Variants in COL4A3 observed in about 807,000 individuals in gnomAD.
The protein encoded by COL4A3 is collagen type IV alpha 3 chain, also known as collagen alpha-3(IV) chain.
In COL4A3, 135 loss-of-function variants were observed where a neutral mutation model predicts 217.4. That is an observed-to-expected ratio of 0.62 (90% confidence interval 0.54 to 0.72). The LOEUF (loss-of-function observed/expected upper bound fraction) is 0.72, where lower values mean the gene tolerates loss of function less well. Among genes scored for constraint, COL4A3 ranks in the 30% least tolerant of loss-of-function variants. The pLI, the probability that COL4A3 is intolerant of heterozygous loss-of-function variation, is 0.00. For synonymous variants in COL4A3, 690 were observed against 736.3 expected, an observed-to-expected ratio of 0.94 and a Z score of 1.02; for missense variants, 1,868 against 2,119.9, an observed-to-expected ratio of 0.88 and a Z score of 2.33.
intron 21 of COL4A3, 132 bp from the exon 22 acceptor site, chr2:227,266,285 G>C: frequency 1.4e-6 from 1 of 738,632 alleles, no homozygotes; most frequent in Admixed American, 2.1e-5. Flanking sequence ...CTCAGTTGCA[G>C]ATAAACTTCT....
intron 1 of COL4A3, among the ~76,000 whole-genome samples, chr2:227,232,033 T>A (rs190541816): frequency 6.6e-6 from 1 of 152,160 alleles, no homozygotes; most frequent in Non-Finnish European, 1.5e-5. Flanking sequence ...GATTTTTAGA[T>A]CCCACACATA....
intron 1 of COL4A3, among the ~76,000 whole-genome samples, chr2:227,237,547 TGCC>T (rs2068768281): frequency 2.0e-5 from 3 of 152,218 alleles, no homozygotes; most frequent in Admixed American, 2.0e-4. Context: ...CCTAAGAATT[TGCC>T]AGTATTTGAC....
At chr2:227,291,282 G>A (rs2072685554) in intron 37 of COL4A3, among the ~76,000 whole-genome samples, 1 of 151,988 alleles carries the variant, frequency 6.6e-6, no homozygotes, top group Admixed American at 6.6e-5. Context: ...AACACTTGTC[G>A]GCCGGGCGCG....
chr2:227,195,056 T>C (rs1026541422), intron 1 of COL4A3, among the ~76,000 whole-genome samples: 1 of 152,148 alleles, frequency 6.6e-6, no homozygotes, highest in Non-Finnish European at 1.5e-5. Context: ...TTTGAGGAAA[T>C]TCCTACCCTA....
At position 227,309,044 on chromosome 2, in the gene COL4A3, T is replaced by C. The variant is rs2106288551; in HGVS notation, c.4608T>C (p.Ile1536=). ...TGATGCCAATGAACATGGCTCCCAT[T>C]ACTGGCAGAGCCCTTGAGCCTTATA... ...PALMPMNMAP[I]TGRALEPYIS... The change falls in exon 49 of 52, where the codon ATT becomes ATC. Residue 1536 remains isoleucine (I), a synonymous_variant. Coordinates refer to ENST00000396578, the MANE Select transcript of COL4A3 (RefSeq NM_000091.5). 2 of 1,614,238 alleles carry C rather than the reference T, an allele frequency of 1.2e-6. No homozygotes were observed. The highest frequency in any genetic ancestry group is 1.7e-6 in the Non-Finnish European group (2 of 1,180,030).
intron 28 of COL4A3, among the ~76,000 whole-genome samples, chr2:227,277,866 G>T: frequency 6.6e-6 from 1 of 151,934 alleles, no homozygotes; most frequent in Non-Finnish European, 1.5e-5. Context: ...CGGGTGTGGT[G>T]GCATGTGGCT....
chr2:227,304,325 A>G, intron 46 of COL4A3, 181 bp downstream of exon 46: 1 of 705,588 alleles, frequency 1.4e-6, no homozygotes, highest in Non-Finnish European at 2.4e-6. Flanking sequence ...AGACCTTGGA[A>G]TCTATTGAAA....
Position 227,263,891 on chromosome 2 carries a change from G to C in COL4A3, c.1262G>C (p.Gly421Ala). The C allele has an allele frequency of 6.2e-7, 1 of 1,614,194 alleles. No homozygotes were observed. The highest frequency in any genetic ancestry group is 8.5e-7 in the Non-Finnish European group (1 of 1,180,024). ...KDAMGTPGSP[G>A]CAGSPGLPGS... ...GCCATGGGGACTCCTGGGTCCCCAG[G>C]TTGTGCTGGTTCACCAGGTCTTCCA... The change falls in exon 21 of 52, where the codon GGT (glycine) becomes GCT (alanine). Residue 421 changes from glycine to alanine, a missense_variant. Around this residue, in one of 2 missense-constraint regions of COL4A3, gnomAD observed 1,503 missense variants for 1,786.1 expected, o/e 0.84. Transcript: ENST00000396578.
chr2:227,172,270 C>T (rs1019544884), intron 1 of COL4A3, among the ~76,000 whole-genome samples: 7 of 152,182 alleles, frequency 4.6e-5, no homozygotes, highest in Non-Finnish European at 1.0e-4. Flanking sequence ...GTTCAATAAC[C>T]GCCTGACCAT....
At chr2:227,245,508 G>C (rs952951823) in intron 5 of COL4A3, among the ~76,000 whole-genome samples, 1 of 152,004 alleles carries the variant, frequency 6.6e-6, no homozygotes, top group African/African-American at 2.4e-5. Context: ...GTATTCATAG[G>C]GGTCCTGGAA....
intron 1 of COL4A3, among the ~76,000 whole-genome samples, chr2:227,217,382 T>C (rs1323715944): frequency 6.6e-6 from 1 of 152,206 alleles, no homozygotes; most frequent in Non-Finnish European, 1.5e-5. Flanking sequence ...TGTACCACCT[T>C]GCTCCTTTTG....
chr2:227,179,496 A>G (rs1034402543), intron 1 of COL4A3, among the ~76,000 whole-genome samples: 1 of 152,230 alleles, frequency 6.6e-6, no homozygotes, highest in African/African-American at 2.4e-5. Context: ...TCCTTGAAGA[A>G]GTTTTCACGT....
At chr2:227,297,255 C>A (rs1392253245) in intron 41 of COL4A3, among the ~76,000 whole-genome samples, 2 of 152,216 alleles carry the variant, frequency 1.3e-5, no homozygotes. Flanking sequence ...AGTGACTCAA[C>A]AATGTCAACA....
At chr2:227,217,715 G>A (rs1444980861) in intron 1 of COL4A3, among the ~76,000 whole-genome samples, 1 of 152,182 alleles carries the variant, frequency 6.6e-6, no homozygotes, top group African/African-American at 2.4e-5. Flanking sequence ...GAAGTAAAAT[G>A]TGTGGTTTCA....
In COL4A3 at chr2:227,298,755, C is replaced by T. The variant is rs143380907; in HGVS notation, c.3825C>T (p.His1275=). 2.5e-4 allele frequency: 398 copies of T among 1,613,892 alleles called. No homozygotes were observed. In the African/African-American group the frequency reaches 4.9e-3, roughly 20 times the overall value. ...GIKGDKGSMG[H]PGPKGPPGTA... is the part of the protein sequence containing the mutation. ...AAGGAGACAAAGGGTCTATGGGCCA[C>T]CCTGGCCCAAAAGGTCCACCTGGAA... Residue 1275 remains histidine, a synonymous_variant, in exon 43 of 52, where the codon CAC becomes CAT. Coordinates refer to ENST00000396578, the MANE Select transcript of COL4A3 (RefSeq NM_000091.5).
chr2:227,225,376 T>G (rs1246943996), intron 1 of COL4A3, among the ~76,000 whole-genome samples: 4 of 152,338 alleles, frequency 2.6e-5, no homozygotes, highest in Admixed American at 1.3e-4. Context: ...TTTCTGTCTT[T>G]TTTGTTTGTT....
intron 1 of COL4A3, among the ~76,000 whole-genome samples, chr2:227,189,697 T>TA (rs1311196075): frequency 6.6e-6 from 1 of 152,178 alleles, no homozygotes; most frequent in Non-Finnish European, 1.5e-5. Flanking sequence ...CCATTCAAAA[T>TA]AGAGTAAACC....
chr2:227,221,701 TTATACA>T (rs1473742996), intron 1 of COL4A3, among the ~76,000 whole-genome samples: 1 of 152,214 alleles, frequency 6.6e-6, no homozygotes, highest in Non-Finnish European at 1.5e-5. Context: ...AACGTGTGTA[TTATACA>T]TATATATTTA....
chr2:227,306,605 C>T (rs1047423559), intron 47 of COL4A3, among the ~76,000 whole-genome samples: 1 of 152,058 alleles, frequency 6.6e-6, no homozygotes, highest in African/African-American at 2.4e-5. Flanking sequence ...TTCAAAAAAC[C>T]ACTCAAGGTC....
Sources: gnomAD v4.1 joint callset for allele counts (sites outside exome capture counted in the v4.1 genomes callset) on GRCh38, gnomAD v4.1.1 for gene constraint, gnomAD v4.1.1 regional missense constraint, MANE v1.5 for transcripts, NCBI Gene and HGNC (gene_info 2026-07-23, HGNC 2026-07-21) for gene names.